IKZF3: variants seen among roughly 807,000 people sequenced by gnomAD.
IKZF3 encodes the protein zinc finger protein Aiolos.
Under a neutral mutation model 49.0 loss-of-function variants are expected in IKZF3, and 10 were observed. The observed-to-expected ratio is 0.20, with a 90% CI of 0.13 to 0.35. IKZF3 has a LOEUF of 0.35. Among genes scored for constraint, IKZF3 ranks in the 10% least tolerant of loss-of-function variants. IKZF3 has a pLI of 1.00. For missense variants in IKZF3, 498 were observed against 664.8 expected, an observed-to-expected ratio of 0.75 and a Z score of 2.76; for synonymous variants, 209 against 228.2, an observed-to-expected ratio of 0.92 and a Z score of 0.76.
chr17:39,772,310 C>A (rs2060465198), intron 7 of IKZF3, among the ~76,000 whole-genome samples: 1 of 152,026 alleles, frequency 6.6e-6, no homozygotes, highest in African/African-American at 2.4e-5. Flanking sequence ...AGAAAAATAA[C>A]AGAAATCCAA....
intron 3 of IKZF3, among the ~76,000 whole-genome samples, chr17:39,820,506 G>T (rs1226954796): frequency 1.3e-5 from 2 of 152,160 alleles, no homozygotes; most frequent in African/African-American, 4.8e-5. Flanking sequence ...TTTCCAAACT[G>T]TGGTATAATA....
chr17:39,840,010 C>G (rs2062419279), intron 1 of IKZF3, among the ~76,000 whole-genome samples: 1 of 152,134 alleles, frequency 6.6e-6, no homozygotes, highest in South Asian at 2.1e-4. Flanking sequence ...GGCTTAAACT[C>G]AAACTCCGTC....
intron 3 of IKZF3, among the ~76,000 whole-genome samples, chr17:39,818,493 G>A (rs889361433): frequency 2.6e-5 from 4 of 152,168 alleles, no homozygotes; most frequent in African/African-American, 7.2e-5. Context: ...AAGTGAAACC[G>A]CAGAGAAGGG....
In IKZF3 at chr17:39,762,995, A is replaced by G. The variant is rs541903936; in HGVS notation, c.*2795T>C. On this transcript the variant is annotated 3_prime_UTR_variant, in exon 8 of 8. Transcript: ENST00000346872. The stretch of plus-strand genomic sequence containing the variant: ...TTCTCTTCTACTAATCCCTGCTTCC[A>G]AATTCTCTTTCTCTTGTCCCTTGAA... The G allele has an allele frequency of 3.3e-5, 5 of 152,336 alleles. No individual in the cohort carries two copies. The East Asian group carries it at 9.6e-4, about 29-fold the overall frequency. The allele number at this position is 152,336 out of a possible 1,614,324, so 9.4% of individuals were successfully genotyped here.
rs892380745 is a variant in IKZF3 at position 39,758,970 on chromosome 17, A to T, written c.*6820T>A. On this transcript the variant is annotated 3_prime_UTR_variant, in exon 8 of 8. Coordinates refer to ENST00000346872, the MANE Select transcript of IKZF3 (RefSeq NM_012481.5). Reference sequence around the variant, plus strand: ...CACCCCTCAAAGGTAACATTAGCTCATATACAAAATCATGGAAAACCTCAC... The same window carrying T: ...CACCCCTCAAAGGTAACATTAGCTCTTATACAAAATCATGGAAAACCTCAC... The T allele has an allele frequency of 6.6e-6, 1 of 151,382 alleles. No homozygotes were observed. The highest frequency in any genetic ancestry group is 6.6e-5 in the Admixed American group (1 of 15,158). 9.4% of individuals were successfully genotyped at this position (151,382 alleles called of 1,614,324 possible).
intron 6 of IKZF3, among the ~76,000 whole-genome samples, chr17:39,780,004 A>G (rs141997003): frequency 2.2e-4 from 34 of 152,152 alleles, no homozygotes; most frequent in African/African-American, 8.2e-4. Flanking sequence ...GTTGAGACCA[A>G]CCTGGGCAAT....
chr17:39,797,014 A>C (rs1176690659), intron 3 of IKZF3, among the ~76,000 whole-genome samples: 13 of 151,506 alleles, frequency 8.6e-5, no homozygotes, highest in Non-Finnish European at 2.9e-5. Flanking sequence ...AATACAAAAA[A>C]ATTAGCCAGG....
At position 39,838,386 on chromosome 17, in the gene IKZF3, T is replaced by C. The variant is rs576846662; in HGVS notation, c.8-6235A>G. 7.9e-5 allele frequency among the ~76,000 whole-genome samples: 12 copies of C among 152,362 alleles called. No individual in the cohort carries two copies. In the South Asian group the frequency reaches 1.7e-3, roughly 21 times the overall value. On this transcript the variant is annotated intron_variant, in intron 1 of 7. Transcript: ENST00000346872. ...AGTTCATTTACTCTTTCTTCTGTCA[T>C]CTTAATTTGCTGTTAAGCCTATCTA...
chr17:39,848,764 G>A (rs1568059882), intron 1 of IKZF3, among the ~76,000 whole-genome samples: 7 of 152,180 alleles, frequency 4.6e-5, no homozygotes, highest in Admixed American at 6.5e-5. Context: ...ACTGCAGCCC[G>A]GAACTCCTGG....
intron 3 of IKZF3, among the ~76,000 whole-genome samples, chr17:39,805,417 A>C (rs1336147486): frequency 6.6e-6 from 1 of 152,214 alleles, no homozygotes; most frequent in Non-Finnish European, 1.5e-5. Context: ...TCAGACCCAA[A>C]GCGTATAAAG....
intron 6 of IKZF3, among the ~76,000 whole-genome samples, chr17:39,787,606 A>C (rs930788177): frequency 2.6e-5 from 4 of 152,232 alleles, no homozygotes; most frequent in African/African-American, 9.6e-5. Context: ...ACAGAGAATT[A>C]GAATACTTCT....
At chr17:39,863,073 T>C (rs1449765660) in intron 1 of IKZF3, among the ~76,000 whole-genome samples, 1 of 152,194 alleles carries the variant, frequency 6.6e-6, no homozygotes, top group Non-Finnish European at 1.5e-5. Context: ...ATTTTTCCCA[T>C]AGTATACAAC....
rs1567953185 is a variant in IKZF3 at position 39,765,956 on chromosome 17, T to C, written c.1364A>G (p.Asp455Gly). ...GTCCAGGAAGAGGACGCGGCAGTGG[T>C]CACACCGATACACATCCATCACCTC... ...EGEVMDVYRC[D>G]HCRVLFLDYV... Residue 455 changes from aspartate (D) to glycine (G), a missense_variant, in exon 8 of 8, where the codon GAC becomes GGC. Asp to Gly is a moderately conservative substitution (Grantham distance 94, BLOSUM62 -1). This residue lies in a region of IKZF3 where 317 missense variants were observed against 397.3 expected (regional missense o/e 0.80). Coordinates refer to ENST00000346872, the MANE Select transcript of IKZF3 (RefSeq NM_012481.5). 6.2e-6 allele frequency: 10 copies of C among 1,614,200 alleles called. No homozygotes were observed. The highest frequency in any genetic ancestry group is 7.6e-6 in the Non-Finnish European group (9 of 1,180,034).
intron 3 of IKZF3, among the ~76,000 whole-genome samples, chr17:39,802,245 A>AAG (rs1428806235): frequency 1.3e-5 from 2 of 149,546 alleles, no homozygotes; most frequent in African/African-American, 4.9e-5. Flanking sequence ...AAAAAAAAAA[A>AAG]AGAGAGATGA....
chr17:39,809,664 T>G (rs571183596), intron 3 of IKZF3, among the ~76,000 whole-genome samples: 40 of 152,366 alleles, frequency 2.6e-4, no homozygotes, highest in African/African-American at 9.1e-4. Context: ...AGATGATGTC[T>G]ATTCTTTTAA....
chr17:39,856,468 T>C (rs1266963809), intron 1 of IKZF3, among the ~76,000 whole-genome samples: 1 of 152,092 alleles, frequency 6.6e-6, no homozygotes, highest in East Asian at 1.9e-4. Context: ...AGATAAGGTT[T>C]CACCATGTTG....
chr17:39,823,035 A>C (rs2061852934), intron 3 of IKZF3, among the ~76,000 whole-genome samples: 1 of 152,324 alleles, frequency 6.6e-6, no homozygotes, highest in Non-Finnish European at 1.5e-5. Flanking sequence ...GCTCAGAAGA[A>C]GACAGAAAAA....
At chr17:39,819,465 A>G (rs942978183) in intron 3 of IKZF3, among the ~76,000 whole-genome samples, 3 of 152,102 alleles carry the variant, frequency 2.0e-5, no homozygotes, top group Admixed American at 6.6e-5. Flanking sequence ...ACAACATCAT[A>G]TGCCTTTCCT....
chr17:39,773,346 T>C (rs1181932884), intron 7 of IKZF3, among the ~76,000 whole-genome samples: 1 of 152,184 alleles, frequency 6.6e-6, no homozygotes, highest in East Asian at 1.9e-4. Flanking sequence ...AAAAATACTA[T>C]GACATTGTAA....
Sources: gnomAD v4.1 joint callset for allele counts (sites outside exome capture counted in the v4.1 genomes callset) on GRCh38, gnomAD v4.1.1 for gene constraint, gnomAD v4.1.1 regional missense constraint, MANE v1.5 for transcripts, NCBI Gene and HGNC (gene_info 2026-07-23, HGNC 2026-07-21) for gene names.